ADAM32: variants seen among roughly 807,000 people sequenced by gnomAD.
ADAM32 encodes disintegrin and metalloproteinase domain-containing protein 32.
Under a neutral mutation model 114.9 loss-of-function variants are expected in ADAM32, and 89 were observed. The ratio of observed to expected loss-of-function variants is 0.77; its 90% CI spans 0.65 to 0.92. The LOEUF is 0.92. ADAM32 is among the 40% of genes least tolerant of loss of function. The pLI is 0.00. For missense variants in ADAM32, 870 were observed against 932.8 expected, an observed-to-expected ratio of 0.93 and a Z score of 0.88; for synonymous variants, 285 against 307.5, an observed-to-expected ratio of 0.93 and a Z score of 0.77.
intron 15 of ADAM32, 138 bp from the exon 16 acceptor site, chr8:39,233,761 C>T (rs926073948): frequency 1.3e-5 from 7 of 534,332 alleles, no homozygotes; most frequent in African/African-American, 4.0e-5. Context: ...ACTTTGTTAC[C>T]GTGAAAACAT....
intron 1 of ADAM32, among the ~76,000 whole-genome samples, chr8:39,117,044 C>T (rs1014711198): frequency 5.9e-5 from 9 of 152,066 alleles, no homozygotes; most frequent in African/African-American, 1.2e-4. Context: ...CCACCATGCC[C>T]GGCCAATGTT....
At chr8:39,263,283 A>G (rs1255455035) in intron 19 of ADAM32, among the ~76,000 whole-genome samples, 1 of 152,172 alleles carries the variant, frequency 6.6e-6, no homozygotes, top group Non-Finnish European at 1.5e-5. Flanking sequence ...GAATTTTAGC[A>G]TGCACTGTTT....
intron 2 of ADAM32, among the ~76,000 whole-genome samples, chr8:39,126,288 T>C (rs1272026898): frequency 6.6e-6 from 1 of 152,224 alleles, no homozygotes; most frequent in Non-Finnish European, 1.5e-5. Flanking sequence ...TTTCATGATA[T>C]TGATTCTTCC....
intron 6 of ADAM32, among the ~76,000 whole-genome samples, chr8:39,159,443 C>T (rs1477689361): frequency 1.3e-5 from 2 of 152,186 alleles, no homozygotes; most frequent in African/African-American, 4.8e-5. Context: ...GAGGAGAAAG[C>T]TTAGTGTCTT....
chr8:39,146,869 C>T (rs540615596), intron 3 of ADAM32, among the ~76,000 whole-genome samples: 5 of 152,230 alleles, frequency 3.3e-5, no homozygotes, highest in African/African-American at 9.6e-5. Flanking sequence ...GGTTGACAGA[C>T]GTTTTCTCTA....
chr8:39,142,235 T>A (rs1585388859), intron 3 of ADAM32, among the ~76,000 whole-genome samples: 1 of 152,214 alleles, frequency 6.6e-6, no homozygotes, highest in South Asian at 2.1e-4. Flanking sequence ...GTGAATTTGA[T>A]CCTGTCATTA....
chr8:39,261,071 G>A (rs1811993170), intron 19 of ADAM32, among the ~76,000 whole-genome samples: 1 of 151,980 alleles, frequency 6.6e-6, no homozygotes, highest in Non-Finnish European at 1.5e-5. Flanking sequence ...CTTTGTATTG[G>A]GAGGAGTCAG....
At chr8:39,168,535 C>A (rs979100127) in intron 9 of ADAM32, 3 of 152,146 alleles carry the variant, frequency 2.0e-5, no homozygotes, top group African/African-American at 7.2e-5. Flanking sequence ...TTGGTCATGA[C>A]CCTCAGGCTT....
At chr8:39,237,289 A>T (rs1355219699) in intron 16 of ADAM32, among the ~76,000 whole-genome samples, 1 of 152,200 alleles carries the variant, frequency 6.6e-6, no homozygotes, top group East Asian at 1.9e-4. Context: ...GAATTGGGGA[A>T]GGGCCACAAG....
chr8:39,162,473 G>A (rs575386803), intron 7 of ADAM32, among the ~76,000 whole-genome samples: 1 of 151,962 alleles, frequency 6.6e-6, no homozygotes, highest in African/African-American at 2.4e-5. Flanking sequence ...ATAAACATAC[G>A]TGTGCATGTG....
At chr8:39,148,038 C>CA (rs760192283) in intron 4 of ADAM32, among the ~76,000 whole-genome samples, 13 of 152,114 alleles carry the variant, frequency 8.5e-5, no homozygotes, top group Non-Finnish European at 1.8e-4. Flanking sequence ...CTTGGCCTCC[C>CA]ACAGTGCTAG....
At chr8:39,162,960 C>T (rs766090421) in intron 7 of ADAM32, among the ~76,000 whole-genome samples, 21 of 152,322 alleles carry the variant, frequency 1.4e-4, no homozygotes, top group Middle Eastern at 6.8e-3. Context: ...GAGATCGCAC[C>T]ACTGGCCTCC....
chr8:39,209,115 A>G (rs1337248513), intron 11 of ADAM32, among the ~76,000 whole-genome samples: 1 of 151,934 alleles, frequency 6.6e-6, no homozygotes, highest in Non-Finnish European at 1.5e-5. Flanking sequence ...TTGAAGGTCA[A>G]TGACTTGTAC....
At chr8:39,210,464 G>T (rs1307213266) in intron 11 of ADAM32, among the ~76,000 whole-genome samples, 1 of 152,166 alleles carries the variant, frequency 6.6e-6, no homozygotes, top group East Asian at 1.9e-4. Flanking sequence ...TCCCTACAGA[G>T]GGATGATCAC....
chr8:39,161,678 C>T (rs1804516438), intron 7 of ADAM32, among the ~76,000 whole-genome samples: 1 of 152,164 alleles, frequency 6.6e-6, no homozygotes, highest in Non-Finnish European at 1.5e-5. Context: ...GCGGGTATGA[C>T]TAATACTCTT....
chr8:39,256,324 C>T (rs1811645569), intron 18 of ADAM32, among the ~76,000 whole-genome samples: 1 of 152,030 alleles, frequency 6.6e-6, no homozygotes, highest in Admixed American at 6.6e-5. Flanking sequence ...CAGCTCTAAA[C>T]AAATGACATT....
At chr8:39,148,481 CT>C (rs58573029) in intron 4 of ADAM32, among the ~76,000 whole-genome samples, 136,556 of 139,144 alleles carry the variant, frequency 0.98, 66,992 homozygotes, top group East Asian at 0.99. Flanking sequence ...TTTCCTTTAC[CT>C]TTTTTTTTTT....
chr8:39,182,561 A>G (rs940319625), intron 10 of ADAM32, among the ~76,000 whole-genome samples: 1 of 152,196 alleles, frequency 6.6e-6, no homozygotes, highest in Non-Finnish European at 1.5e-5. Context: ...GCATTTTTCA[A>G]GAATACAATT....
At chr8:39,214,717 G>A (rs1019251818) in intron 12 of ADAM32, among the ~76,000 whole-genome samples, 20 of 151,938 alleles carry the variant, frequency 1.3e-4, no homozygotes, top group African/African-American at 4.6e-4. Context: ...TTCATGTTTC[G>A]TTTGGTTTTG....
Sources: allele counts gnomAD v4.1 joint callset (sites outside exome capture counted in the v4.1 genomes callset), GRCh38; gene constraint gnomAD v4.1.1; transcripts MANE v1.5; gene names NCBI Gene and HGNC (gene_info 2026-07-23, HGNC 2026-07-21).